PDSS2: variants seen among roughly 807,000 people sequenced by gnomAD.
The protein encoded by PDSS2 is decaprenyl diphosphate synthase subunit 2.
Under a neutral mutation model 44.5 loss-of-function variants are expected in PDSS2, and 31 were observed. That is an observed-to-expected ratio of 0.70 (90% CI 0.52 to 0.94). PDSS2 has a LOEUF of 0.94. PDSS2 is among the 40% of genes least tolerant of loss of function. PDSS2 has a pLI of 0.00. For synonymous variants in PDSS2, 157 were observed against 180.3 expected, an observed-to-expected ratio of 0.87 and a Z score of 1.03; for missense variants, 452 against 482.2, an observed-to-expected ratio of 0.94 and a Z score of 0.59.
intron 6 of PDSS2, among the ~76,000 whole-genome samples, chr6:107,197,222 C>T (rs1308929326): frequency 6.8e-6 from 1 of 147,824 alleles, no homozygotes; most frequent in East Asian, 2.0e-4. Context: ...GCACAGGTAA[C>T]CTGGAGCTTG....
At chr6:107,351,023 C>CA (rs1778418216) in intron 1 of PDSS2, among the ~76,000 whole-genome samples, 1 of 151,272 alleles carries the variant, frequency 6.6e-6, no homozygotes, top group Admixed American at 6.6e-5. Flanking sequence ...GAATTATACA[C>CA]AAATTAATTT....
chr6:107,430,771 T>C (rs940651111), intron 1 of PDSS2, among the ~76,000 whole-genome samples: 5 of 151,314 alleles, frequency 3.3e-5, no homozygotes, highest in Non-Finnish European at 1.5e-5. Flanking sequence ...ACTGCACCAC[T>C]GCACTCCAGC....
At chr6:107,225,161 A>T (rs13217650) in intron 4 of PDSS2, among the ~76,000 whole-genome samples, 111 of 50,394 alleles carry the variant, frequency 2.2e-3, no homozygotes, top group Non-Finnish European at 2.5e-3. Flanking sequence ...ATATATATAT[A>T]TTTTTTTTTT....
chr6:107,233,092 C>T (rs1774106662), intron 4 of PDSS2, among the ~76,000 whole-genome samples: 1 of 152,184 alleles, frequency 6.6e-6, no homozygotes. Context: ...GCTGGGATTA[C>T]AGATGTGAGC....
In PDSS2 at chr6:107,459,069, G is replaced by A. The variant is rs778688092; in HGVS notation, c.217C>T (p.Leu73=). 1 of 1,614,168 alleles carries A rather than the reference G, an allele frequency of 6.2e-7. No individual in the cohort carries two copies. ...PTSFMSLRCL[L]SDELSNIAMQ... The stretch of plus-strand genomic sequence containing the variant: ...GCGATGTTGCTGAGCTCGTCGCTCA[G>A]CAGGCAGCGAAGGCTCATGAAGGAC... The change falls in exon 1 of 8, where the codon CTG becomes TTG. Residue 73 remains leucine (L), a synonymous_variant. Transcript: ENST00000369037. The surrounding 1 kb of genome is among the most constrained non-coding windows in gnomAD (Gnocchi z 4.3).
chr6:107,320,512 G>C (rs891510178), intron 2 of PDSS2, among the ~76,000 whole-genome samples: 1 of 152,110 alleles, frequency 6.6e-6, no homozygotes, highest in Admixed American at 6.6e-5. Context: ...TTTGTCTATA[G>C]GGAAAGCCCA....
chr6:107,296,939 C>T (rs1052871444), intron 2 of PDSS2, among the ~76,000 whole-genome samples: 2 of 152,140 alleles, frequency 1.3e-5, no homozygotes, highest in Non-Finnish European at 2.9e-5. Flanking sequence ...GAAAATGAAA[C>T]ATTTAATGGT....
intron 1 of PDSS2, among the ~76,000 whole-genome samples, chr6:107,422,799 G>T (rs319092): frequency 0.73 from 110,395 of 151,888 alleles, 40,531 homozygotes; most frequent in Middle Eastern, 0.79. Flanking sequence ...GTAACTTTTC[G>T]TTATATATTT....
At chr6:107,342,119 C>T (rs553009539) in intron 1 of PDSS2, among the ~76,000 whole-genome samples, 1 of 151,924 alleles carries the variant, frequency 6.6e-6, no homozygotes, top group African/African-American at 2.4e-5. Context: ...GGTTGTGAGA[C>T]CCTTGAAGGT....
At chr6:107,358,922 A>C (rs187475082) in intron 1 of PDSS2, among the ~76,000 whole-genome samples, 3 of 151,988 alleles carry the variant, frequency 2.0e-5, no homozygotes, top group Admixed American at 2.0e-4. Flanking sequence ...GATAAGGCAG[A>C]CTACTATCTT....
At chr6:107,160,042 T>A (rs1262547956) in intron 7 of PDSS2, among the ~76,000 whole-genome samples, 1 of 151,800 alleles carries the variant, frequency 6.6e-6, no homozygotes, top group African/African-American at 2.4e-5. Context: ...ATGGTAAAAC[T>A]CCATCTCTAC....
chr6:107,197,237 T>A (rs1339913480), intron 6 of PDSS2, among the ~76,000 whole-genome samples: 1 of 108,580 alleles, frequency 9.2e-6, no homozygotes, highest in East Asian at 3.2e-4. Flanking sequence ...AGCTTGTGAC[T>A]GGCATCTGAA....
chr6:107,195,371 A>G (rs1772518634), intron 6 of PDSS2, among the ~76,000 whole-genome samples: 2 of 151,106 alleles, frequency 1.3e-5, no homozygotes, highest in Non-Finnish European at 1.5e-5. Flanking sequence ...AGTCCTAGCT[A>G]CTTGGGAGGC....
chr6:107,228,568 G>A (rs1481764286), intron 4 of PDSS2, among the ~76,000 whole-genome samples: 8 of 151,912 alleles, frequency 5.3e-5, no homozygotes, highest in South Asian at 2.1e-4. Context: ...GGTGGCAAGC[G>A]CCTATAATCC....
At chr6:107,304,348 T>A (rs1776789623) in intron 2 of PDSS2, among the ~76,000 whole-genome samples, 1 of 152,268 alleles carries the variant, frequency 6.6e-6, no homozygotes, top group South Asian at 2.1e-4. Context: ...TATTTACTTA[T>A]CACTTTTTGT....
At chr6:107,388,127 G>A (rs555933967) in intron 1 of PDSS2, among the ~76,000 whole-genome samples, 2 of 151,992 alleles carry the variant, frequency 1.3e-5, no homozygotes, top group African/African-American at 2.4e-5. Context: ...TCCTCACCCC[G>A]ACAGCCACAA....
intron 1 of PDSS2, among the ~76,000 whole-genome samples, chr6:107,442,247 T>C (rs1781531520): frequency 6.6e-6 from 1 of 151,966 alleles, no homozygotes; most frequent in Non-Finnish European, 1.5e-5. Flanking sequence ...TAAAACCCTA[T>C]CTCTACTAAA....
At chr6:107,325,628 CAA>C (rs2115191874) in intron 2 of PDSS2, among the ~76,000 whole-genome samples, 1 of 152,146 alleles carries the variant, frequency 6.6e-6, no homozygotes, top group Non-Finnish European at 1.5e-5. Flanking sequence ...TTGATCTGGT[CAA>C]AGAGGCCAAA....
At chr6:107,210,615 A>G (rs1227999787) in intron 5 of PDSS2, 45 bp from the exon 6 acceptor site, 5 of 1,280,906 alleles carry the variant, frequency 3.9e-6, no homozygotes, top group Non-Finnish European at 5.7e-6. Context: ...ATGTATATAC[A>G]CTAGTATGTT....
Sources: gnomAD v4.1 joint callset for allele counts (sites outside exome capture counted in the v4.1 genomes callset) on GRCh38, gnomAD v4.1.1 for gene constraint, Gnocchi (gnomAD v3.1) non-coding constraint, MANE v1.5 for transcripts, NCBI Gene and HGNC (gene_info 2026-07-23, HGNC 2026-07-21) for gene names.